EYS: variants seen among roughly 807,000 people sequenced by gnomAD.
The protein encoded by EYS is EGF-like photoreceptor maintenance factor.
Under a neutral mutation model 282.1 loss-of-function variants are expected in EYS, and 250 were observed. The observed-to-expected ratio is 0.89, with a 90% CI of 0.80 to 0.98. The LOEUF is 0.98. Among genes scored for constraint, EYS ranks in the 50% least tolerant of loss-of-function variants. EYS has a pLI of 0.00. For missense variants in EYS, 4,016 were observed against 3,709.0 expected (o/e 1.08, Z -2.15); for synonymous variants, 1,355 against 1,282.9 (o/e 1.06, Z -1.20).
chr6:64,007,401 C>T (rs1267221770), intron 33 of EYS, among the ~76,000 whole-genome samples: 1 of 151,014 alleles, frequency 6.6e-6, no homozygotes, highest in Non-Finnish European at 1.5e-5. Flanking sequence ...ATTAGCCTAC[C>T]TAGCAGTCTG....
chr6:65,179,124 T>G (rs910120066), intron 12 of EYS, among the ~76,000 whole-genome samples: 1 of 151,902 alleles, frequency 6.6e-6, no homozygotes, highest in African/African-American at 2.4e-5. Context: ...GATCTAAAAT[T>G]GACACCCTAA....
intron 26 of EYS, among the ~76,000 whole-genome samples, chr6:64,540,987 TC>T (rs1764680616): frequency 6.6e-6 from 1 of 152,204 alleles, no homozygotes; most frequent in South Asian, 2.1e-4. Context: ...CACCTGTTGC[TC>T]CACGGCGGCT....
At chr6:64,542,798 G>T (rs976730746) in intron 26 of EYS, among the ~76,000 whole-genome samples, 1 of 152,004 alleles carries the variant, frequency 6.6e-6, no homozygotes, top group African/African-American at 2.4e-5. Flanking sequence ...ATATTTTTAA[G>T]GAGGCATATG....
chr6:65,212,396 T>A (rs768925879), intron 12 of EYS, among the ~76,000 whole-genome samples: 3 of 152,130 alleles, frequency 2.0e-5, no homozygotes, highest in Non-Finnish European at 4.4e-5. Context: ...CTGGGATCTA[T>A]ACAGCTGAAT....
intron 36 of EYS, among the ~76,000 whole-genome samples, chr6:63,826,846 A>AAAAAAAAAAAAAAAAAGGAAAAAAAC (rs1771479114): frequency 3.8e-4 from 1 of 2,622 alleles, no homozygotes; most frequent in Non-Finnish European, 7.8e-4. Context: ...GTTAAAAAGC[A>AAAAAAAAAAAAAAAAAGGAAAAAAAC]AAAAAAAAAA....
At chr6:65,622,014 A>C (rs936648925) in intron 2 of EYS, among the ~76,000 whole-genome samples, 2 of 152,192 alleles carry the variant, frequency 1.3e-5, no homozygotes, top group African/African-American at 4.8e-5. Context: ...ACTAAAAATA[A>C]GCAGTTCCCA....
chr6:63,831,082 G>T (rs967612578), intron 36 of EYS, among the ~76,000 whole-genome samples: 2 of 152,200 alleles, frequency 1.3e-5, no homozygotes, highest in Non-Finnish European at 2.9e-5. Flanking sequence ...AACATGGAAA[G>T]GGAAAACCAG....
intron 4 of EYS, 91 bp from the exon 5 acceptor site, chr6:65,490,798 A>C (rs1766014933): frequency 1.4e-6 from 1 of 729,046 alleles, no homozygotes; most frequent in Non-Finnish European, 2.5e-6. Flanking sequence ...AAAATATCAA[A>C]TTCTGACTAA....
At chr6:64,095,360 A>C (rs1772553919) in intron 31 of EYS, among the ~76,000 whole-genome samples, 1 of 152,072 alleles carries the variant, frequency 6.6e-6, no homozygotes. Context: ...GGGGTGTTAA[A>C]GTCTCCCATT....
intron 15 of EYS, among the ~76,000 whole-genome samples, chr6:64,919,971 T>C (rs1768285389): frequency 6.6e-6 from 1 of 152,176 alleles, no homozygotes; most frequent in African/African-American, 2.4e-5. Context: ...ACTCATGCTG[T>C]ATTTTGAAGA....
intron 29 of EYS, among the ~76,000 whole-genome samples, chr6:64,387,161 C>G (rs1772939447): frequency 6.6e-6 from 1 of 152,110 alleles, no homozygotes; most frequent in Non-Finnish European, 1.5e-5. Flanking sequence ...TCAGACCTTT[C>G]CATTACCTAA....
intron 9 of EYS, among the ~76,000 whole-genome samples, chr6:65,353,233 T>C (rs1389784288): frequency 1.3e-5 from 2 of 152,060 alleles, no homozygotes; most frequent in South Asian, 2.1e-4. Context: ...AGCTCTAGTT[T>C]ACTTCACTAT....
chr6:64,221,043 A>G (rs972682375), intron 31 of EYS, among the ~76,000 whole-genome samples: 3 of 152,182 alleles, frequency 2.0e-5, no homozygotes, highest in African/African-American at 7.2e-5. Context: ...AAAACCTTCA[A>G]CTAATAAATT....
Position 64,873,072 on chromosome 6 carries a change from G to A in EYS, c.2992+13625C>T, listed in dbSNP as rs539856877. 2.4e-4 allele frequency among the ~76,000 whole-genome samples: 36 copies of A among 152,166 alleles called. No homozygotes were observed. The South Asian group carries it at 6.6e-3, about 28-fold the overall frequency. ...CATTGTATTAGACTGTTTTTACACT[G>A]CTGATAAAGACACATCTGAGAATGA... is the stretch of plus-strand genomic sequence containing the variant. On this transcript the variant is annotated intron_variant, in intron 19 of 42. Transcript: ENST00000503581.
intron 26 of EYS, among the ~76,000 whole-genome samples, chr6:64,520,976 T>G (rs1777716577): frequency 6.6e-6 from 1 of 151,760 alleles, no homozygotes; most frequent in African/African-American, 2.4e-5. Flanking sequence ...ATACAATTCA[T>G]GAATCAGAAA....
At chr6:64,361,738 A>G (rs898190001) in intron 29 of EYS, among the ~76,000 whole-genome samples, 1 of 151,726 alleles carries the variant, frequency 6.6e-6, no homozygotes, top group African/African-American at 2.4e-5. Context: ...ACACATACAC[A>G]CTTACATACA....
chr6:65,251,587 C>T (rs920328399), intron 12 of EYS, among the ~76,000 whole-genome samples: 2 of 152,002 alleles, frequency 1.3e-5, no homozygotes, highest in African/African-American at 4.8e-5. Context: ...TTCCACTCTA[C>T]TATTTCTCAC....
At chr6:64,944,035 G>A (rs1769191084) in intron 15 of EYS, among the ~76,000 whole-genome samples, 1 of 152,040 alleles carries the variant, frequency 6.6e-6, no homozygotes, top group Non-Finnish European at 1.5e-5. Context: ...CAGATCAGTG[G>A]AACAGAATAG....
chr6:64,425,393 G>A (rs1039213718), intron 28 of EYS, among the ~76,000 whole-genome samples: 2 of 152,120 alleles, frequency 1.3e-5, no homozygotes, highest in African/African-American at 4.8e-5. Context: ...GGTGGCTCAC[G>A]CCTGTAATCC....
Sources: allele counts gnomAD v4.1 joint callset (sites outside exome capture counted in the v4.1 genomes callset), GRCh38; gene constraint gnomAD v4.1.1; transcripts MANE v1.5; gene names NCBI Gene and HGNC (gene_info 2026-07-23, HGNC 2026-07-21).